The following MACF1 variants were observed in gnomAD, a reference collection of about 807,000 sequenced individuals.
The protein encoded by MACF1 is microtubule actin crosslinking factor 1.
Under a neutral mutation model 854.8 loss-of-function variants are expected in MACF1, and 193 were observed. The ratio of observed to expected loss-of-function variants is 0.23; its 90% confidence interval spans 0.20 to 0.25. MACF1 has a LOEUF of 0.25. Among genes scored for constraint, MACF1 ranks in the 10% least tolerant of loss-of-function variants. MACF1 has a pLI of 1.00. For missense variants in MACF1, 7,722 were observed against 8,929.1 expected (o/e 0.86, Z 5.45); for synonymous variants, 3,185 against 3,226.7 (o/e 0.99, Z 0.44).
rs565963484 is a variant in MACF1 at position 39,372,398 on chromosome 1, G to GT, written c.13096-81_13096-80insT. 92 of 720,084 alleles carry GT rather than the reference G, an allele frequency of 1.3e-4. No homozygotes were observed. The East Asian group carries it at 1.9e-3, about 15-fold the overall frequency. The allele number at this position is 720,084 out of a possible 1,614,324, so 44.6% of individuals were successfully genotyped here. On this transcript the variant is annotated intron_variant, in intron 51 of 100. Coordinates refer to ENST00000564288, the MANE Select transcript of MACF1 (RefSeq NM_001394062.1). ...CTCTTAATGCTTTTCAAAACACTAG[G>GT]GAGTATATACAGAACAGATGTCCCT...
intron 2 of MACF1, among the ~76,000 whole-genome samples, chr1:39,170,941 C>T (rs551319144): frequency 6.6e-6 from 1 of 152,296 alleles, no homozygotes; most frequent in South Asian, 2.1e-4. Context: ...AGACCTCTTT[C>T]CCTCACGCCA....
intron 52 of MACF1, among the ~76,000 whole-genome samples, chr1:39,377,159 C>T (rs532279825): frequency 1.3e-5 from 2 of 152,116 alleles, no homozygotes; most frequent in South Asian, 2.1e-4. Context: ...TACAGGCGTC[C>T]GCTGCCACAC....
At chr1:39,437,698 T>C (rs1557654505) in intron 70 of MACF1, 79 bp from the exon 71 acceptor site, 2 of 1,087,516 alleles carry the variant, frequency 1.8e-6, no homozygotes, top group Admixed American at 1.7e-5. Flanking sequence ...TAGGATAATA[T>C]CTTGTCCTTA....
intron 2 of MACF1, among the ~76,000 whole-genome samples, chr1:39,109,925 T>C (rs964780985): frequency 6.6e-6 from 1 of 152,222 alleles, no homozygotes; most frequent in Admixed American, 6.5e-5. Flanking sequence ...TTAAGTGACA[T>C]ACATTTCCAG....
intron 2 of MACF1, among the ~76,000 whole-genome samples, chr1:39,154,792 A>C (rs1363031826): frequency 6.6e-6 from 1 of 151,948 alleles, no homozygotes; most frequent in Non-Finnish European, 1.5e-5. Flanking sequence ...CAGGCACTGT[A>C]GTCTTGGACT....
intron 97 of MACF1, among the ~76,000 whole-genome samples, chr1:39,472,077 ACTTGAG>A (rs1644788934): frequency 1.3e-5 from 2 of 152,134 alleles, no homozygotes; most frequent in Admixed American, 6.6e-5. Flanking sequence ...AATGAACTGA[ACTTGAG>A]GTGGCTGCCG....
chr1:39,332,319 A>G lies in MACF1; in HGVS notation c.5731A>G (p.Arg1911Gly), dbSNP rs1646741783. 1.2e-6 allele frequency: 2 copies of G among 1,613,920 alleles called. No homozygotes were observed. Among genetic ancestry groups the G allele is most frequent in the African/African-American group, 1.3e-5 (1 of 74,942 alleles). ...KKAIESGILD[R>G]DLANNLKSIC... ...AGCAATAGAAAGTGGTATCCTGGAT[A>G]GAGATCTTGCCAATAACTTAAAATC... The change falls in exon 37 of 101, where the codon AGA becomes GGA. Residue 1911 changes from arginine (R) to glycine (G), a missense_variant. Arg to Gly is a moderately radical substitution (Grantham distance 125). This residue lies in a region of MACF1 where 1,531 missense variants were observed against 1,601.6 expected (regional missense o/e 0.96). Transcript: ENST00000564288.
At position 39,089,989 on chromosome 1, in the gene MACF1, G is replaced by A. The variant is rs112396624; in HGVS notation, c.220+5551G>A. Among the ~76,000 whole-genome samples, 650 of 152,348 alleles carry A rather than the reference G, an allele frequency of 4.3e-3. 3 individuals carry two copies. The highest frequency in any genetic ancestry group is 0.015 in the African/African-American group (618 of 41,586). On this transcript the variant is annotated intron_variant, in intron 2 of 93. Coordinates refer to the MACF1 transcript ENST00000361689. ...CAGATGAGGCAGTGGAGACTCAGGA[G>A]GCCAGCAGTTTCCCAGGCCAGCAAA...
At chr1:39,197,525 GTAGCAAA>G (rs967215766) in intron 2 of MACF1, among the ~76,000 whole-genome samples, 4 of 152,166 alleles carry the variant, frequency 2.6e-5, no homozygotes, top group African/African-American at 7.2e-5. Flanking sequence ...ATGGCTTCAG[GTAGCAAA>G]TAGGGCAGGG....
intron 21 of MACF1, chr1:39,298,718 T>C: frequency 2.5e-6 from 1 of 404,488 alleles, no homozygotes; most frequent in South Asian, 1.8e-5. Context: ...TCTGTTAATT[T>C]AATTAATTTG....
chr1:39,334,488 A>C lies in MACF1; in HGVS notation c.7900A>C (p.Lys2634Gln). Residue 2634 changes from lysine (K) to glutamine (Q), a missense_variant, in exon 37 of 101, where the codon AAG becomes CAG. Physicochemically the swap from Lys to Gln is moderately conservative, Grantham distance 53. This residue lies in a region of MACF1 where 1,531 missense variants were observed against 1,601.6 expected (regional missense o/e 0.96). Transcript: ENST00000564288. ...CRIVPYSELV[K>Q]KCKIDIESGQ... ...AATTGTCCCCTACTCAGAATTAGTC[A>C]AGAAATGTAAGATTGATATTGAATC... 6.2e-7 allele frequency: 1 copy of C among 1,614,148 alleles called. No homozygotes were observed. The highest frequency in any genetic ancestry group is 8.5e-7 in the Non-Finnish European group (1 of 1,180,004).
At position 39,295,077 on chromosome 1, in the gene MACF1, A is replaced by T; in HGVS notation, c.2186A>T (p.Asp729Val). ...ACAATGGAACTGGAGGAGAAACAGG[A>T]TGTGTTTCGTTCTCTACAAGATACA... ...ELTMELEEKQ[D>V]VFRSLQDTAE... Residue 729 changes from aspartate (D) to valine (V), a missense_variant, in exon 19 of 101, where the codon GAT becomes GTT. This residue lies in a region of MACF1 where 1,137 missense variants were observed against 1,263.0 expected (regional missense o/e 0.90). Transcript: ENST00000564288. 1 of 1,613,972 alleles carries T rather than the reference A, an allele frequency of 6.2e-7. No individual in the cohort carries two copies. Among genetic ancestry groups the T allele is most frequent in the Non-Finnish European group, 8.5e-7 (1 of 1,179,900 alleles).
chr1:39,189,223 A>G (rs1423139746), intron 2 of MACF1, among the ~76,000 whole-genome samples: 2 of 152,116 alleles, frequency 1.3e-5, no homozygotes, highest in African/African-American at 4.8e-5. Context: ...CTGCAGTACA[A>G]TTTACCTTGT....
At chr1:39,285,806 G>A (rs1258610504) in intron 14 of MACF1, 48 bp downstream of exon 14, 1 of 1,600,214 alleles carries the variant, frequency 6.2e-7, no homozygotes, top group African/African-American at 1.3e-5. Flanking sequence ...TTACTGCTGA[G>A]GCTCATGGAT....
Position 39,385,582 on chromosome 1 carries a change from A to G in MACF1, c.13997A>G (p.Glu4666Gly), listed in dbSNP as rs202136571. 8 of 1,614,054 alleles carry G rather than the reference A, an allele frequency of 5.0e-6. No individual in the cohort carries two copies. In the Middle Eastern group the frequency reaches 8.2e-4, roughly 166 times the overall value. ...ELQSINQKWV[E>G]LTDKLNSRSS... is the part of the protein sequence containing the mutation. Reference sequence around the variant, plus strand: ...CAGAGCATCAATCAGAAATGGGTTGAGCTGACTGACAAACTCAACTCCCGT... The same window carrying G: ...CAGAGCATCAATCAGAAATGGGTTGGGCTGACTGACAAACTCAACTCCCGT... Residue 4666 changes from glutamate (E) to glycine (G), a missense_variant, in exon 57 of 101, where the codon GAG becomes GGG. Glu to Gly is a moderately conservative substitution (Grantham distance 98). This residue lies in a region of MACF1 where 2,807 missense variants were observed against 3,235.8 expected (regional missense o/e 0.87). Transcript: ENST00000564288.
rs367997463 is a variant in MACF1 at position 39,389,242 on chromosome 1, C to T, written c.15816+584C>T. Among the ~76,000 whole-genome samples the T allele has an allele frequency of 2.6e-5, 4 of 151,728 alleles. No individual in the cohort carries two copies. The East Asian group carries it at 5.8e-4, about 22-fold the overall frequency. Reference sequence around the variant, plus strand: ...AATTAAGGATATAGAAAGAAATGTCCAAGTCTTATCTCTTACTCTAAGAAT... The same window carrying T: ...AATTAAGGATATAGAAAGAAATGTCTAAGTCTTATCTCTTACTCTAAGAAT... On this transcript the variant is annotated intron_variant, in intron 58 of 100. Transcript: ENST00000564288.
Position 39,462,026 on chromosome 1 carries a change from A to G in MACF1, c.21667A>G (p.Ile7223Val). The stretch of plus-strand genomic sequence containing the variant: ...TCGACCAACAACCGATGCAGATAAA[A>G]TCGAAGATGAGGTAAGGGAAATAAT... Reference protein sequence around the residue: ...AYRPTTDADKIEDEVTRQVAQ... With the variant: ...AYRPTTDADKVEDEVTRQVAQ... The change falls in exon 93 of 101, where the codon ATC (isoleucine) becomes GTC (valine). Residue 7223 changes from isoleucine (I) to valine (V), a missense_variant. This residue lies in a region of MACF1 where 153 missense variants were observed against 342.5 expected (regional missense o/e 0.45). Transcript: ENST00000564288. The G allele has an allele frequency of 6.2e-7, 1 of 1,613,706 alleles. No individual in the cohort carries two copies. Among genetic ancestry groups the G allele is most frequent in the Non-Finnish European group, 8.5e-7 (1 of 1,179,884 alleles).
At chr1:39,377,860 C>T (rs758421398) in intron 52 of MACF1, among the ~76,000 whole-genome samples, 24 of 151,822 alleles carry the variant, frequency 1.6e-4, no homozygotes, top group Middle Eastern at 3.2e-3. Context: ...AAAAATTAGC[C>T]GGGCCTGGTG....
At chr1:39,276,054 G>T (rs1026794777) in intron 6 of MACF1, among the ~76,000 whole-genome samples, 5 of 152,004 alleles carry the variant, frequency 3.3e-5, no homozygotes, top group Non-Finnish European at 5.9e-5. Flanking sequence ...CAAGTAGCTG[G>T]CACTACAGGG....
Sources: gnomAD v4.1 joint callset for allele counts (sites outside exome capture counted in the v4.1 genomes callset) on GRCh38, gnomAD v4.1.1 for gene constraint, gnomAD v4.1.1 regional missense constraint, MANE v1.5 for transcripts, NCBI Gene and HGNC (gene_info 2026-07-23, HGNC 2026-07-21) for gene names.